Variants in EML6 observed in about 807,000 individuals in gnomAD.
EML6 encodes echinoderm microtubule-associated protein-like 6.
Under a neutral mutation model 240.1 loss-of-function variants are expected in EML6, and 154 were observed. The ratio of observed to expected loss-of-function variants is 0.64; its 90% CI spans 0.56 to 0.73. The LOEUF is 0.73. Ranked by LOEUF, EML6 falls within the 30% of genes least tolerant of loss-of-function variation. The probability of loss-of-function intolerance (pLI) is 0.00; values close to 1 mark genes in which losing one functional copy is unlikely to be tolerated. For synonymous variants in EML6, 1,148 were observed against 899.0 expected, an observed-to-expected ratio of 1.28 and a Z score of -4.95; for missense variants, 2,964 against 2,474.6, an observed-to-expected ratio of 1.20 and a Z score of -4.20.
chr2:54,869,091 G>A (rs375742283), intron 14 of EML6, 90 bp from the exon 15 acceptor site: 11 of 804,130 alleles, frequency 1.4e-5, no homozygotes, highest in African/African-American at 5.2e-5. Context: ...ACATGTTCAC[G>A]TCAATATGTT....
intron 26 of EML6, among the ~76,000 whole-genome samples, chr2:54,919,621 G>A (rs1674116726): frequency 6.6e-6 from 1 of 152,152 alleles, no homozygotes; most frequent in Non-Finnish European, 1.5e-5. Flanking sequence ...CATTTTCCTT[G>A]CTATTTCTGT....
intron 29 of EML6, among the ~76,000 whole-genome samples, 175 bp downstream of exon 29, chr2:54,949,135 G>A (rs368911553): frequency 6.6e-6 from 1 of 152,062 alleles, no homozygotes; most frequent in Non-Finnish European, 1.5e-5. Context: ...AGGGACCAGA[G>A]TCGCAGCCAC....
chr2:54,880,623 T>C (rs1235060651), intron 17 of EML6: 1 of 152,236 alleles, frequency 6.6e-6, no homozygotes, highest in Non-Finnish European at 1.5e-5. Context: ...GATTGAATTC[T>C]TGGCAACAAA....
At chr2:54,927,287 G>C (rs1040537626) in intron 26 of EML6, among the ~76,000 whole-genome samples, 1 of 152,168 alleles carries the variant, frequency 6.6e-6, no homozygotes, top group African/African-American at 2.4e-5. Context: ...GTATTACAAA[G>C]TCACGAACCC....
intron 7 of EML6, 42 bp from the exon 8 acceptor site, chr2:54,843,999 TGTGTGA>T (rs1368250944): frequency 8.5e-7 from 1 of 1,178,220 alleles, no homozygotes; most frequent in South Asian, 1.3e-5. Context: ...TGTGTGTGTG[TGTGTGA>T]ATAGTGTGAA....
chr2:54,762,537 C>T (rs923446077), intron 2 of EML6, among the ~76,000 whole-genome samples: 30 of 152,072 alleles, frequency 2.0e-4, no homozygotes, highest in African/African-American at 7.2e-4. Flanking sequence ...ATTTAGTATC[C>T]GTTGCTAATT....
intron 28 of EML6, among the ~76,000 whole-genome samples, chr2:54,946,643 C>T (rs934097684): frequency 6.6e-6 from 1 of 152,170 alleles, no homozygotes; most frequent in Non-Finnish European, 1.5e-5. Flanking sequence ...TGTGTTTTAA[C>T]TTGCTTTCCT....
chr2:54,771,696 A>C (rs1177581906), intron 2 of EML6, among the ~76,000 whole-genome samples: 1 of 152,260 alleles, frequency 6.6e-6, no homozygotes, highest in African/African-American at 2.4e-5. Context: ...TTGGGGTTGC[A>C]GCTGTTCCTC....
At chr2:54,862,024 G>C (rs1349617087) in intron 12 of EML6, among the ~76,000 whole-genome samples, 2 of 151,934 alleles carry the variant, frequency 1.3e-5, no homozygotes, top group Middle Eastern at 3.2e-3. Context: ...AATGAGTTTT[G>C]GTACTTTTGA....
chr2:54,732,701 C>T (rs528568567), intron 2 of EML6, among the ~76,000 whole-genome samples: 1 of 152,238 alleles, frequency 6.6e-6, no homozygotes, highest in South Asian at 2.1e-4. Flanking sequence ...AAATAGAAAC[C>T]ATAGGCTTTG....
chr2:54,969,640 T>C (rs909930069), intron 41 of EML6, among the ~76,000 whole-genome samples: 2 of 152,212 alleles, frequency 1.3e-5, no homozygotes, highest in African/African-American at 4.8e-5. Flanking sequence ...CTTGTTTTAA[T>C]ATAAAAAAGA....
chr2:54,866,316 C>T (rs939252919), intron 13 of EML6, among the ~76,000 whole-genome samples: 3 of 152,164 alleles, frequency 2.0e-5, no homozygotes, highest in Admixed American at 6.5e-5. Flanking sequence ...TTGATCTTTG[C>T]TCTGTATCTC....
At chr2:54,798,407 T>C (rs529538089) in intron 2 of EML6, among the ~76,000 whole-genome samples, 1 of 152,154 alleles carries the variant, frequency 6.6e-6, no homozygotes, top group South Asian at 2.1e-4. Context: ...ACTCCTGACC[T>C]TGTGATCTGC....
chr2:54,754,164 A>G (rs79695862), intron 2 of EML6, among the ~76,000 whole-genome samples: 3,680 of 150,554 alleles, frequency 0.024, 157 homozygotes, highest in African/African-American at 0.085. Flanking sequence ...TTTTTTAGAG[A>G]CAGAATCTTG....
intron 9 of EML6, among the ~76,000 whole-genome samples, chr2:54,848,083 G>A (rs1166706217): frequency 6.6e-6 from 1 of 152,078 alleles, no homozygotes; most frequent in Non-Finnish European, 1.5e-5. Flanking sequence ...AAGAAAAGAG[G>A]AAGAAAGAAT....
chr2:54,763,580 G>C (rs190618382), intron 2 of EML6, among the ~76,000 whole-genome samples: 99 of 152,258 alleles, frequency 6.5e-4, no homozygotes, highest in African/African-American at 2.2e-3. Flanking sequence ...TGTTTGGCTA[G>C]GTGCATTTGT....
chr2:54,959,348 G>A lies in EML6; in HGVS notation c.4853+87G>A, dbSNP rs375157940. 422 of 1,286,088 alleles carry A rather than the reference G, an allele frequency of 3.3e-4. 2 individuals carry two copies. Among genetic ancestry groups the A allele is most frequent in the South Asian group, 1.7e-3 (110 of 64,692 alleles). The allele number at this position is 1,286,088 out of a possible 1,614,324, so 79.7% of individuals were successfully genotyped here. On this transcript the variant is annotated intron_variant, in intron 34 of 41. Transcript: ENST00000356458. Reference sequence around the variant, plus strand: ...AAAGTGTTCCCAACTTGGAGAAAATGCAGACTGTCATCCTCCTATCTTTTT... The same window carrying A: ...AAAGTGTTCCCAACTTGGAGAAAATACAGACTGTCATCCTCCTATCTTTTT...
intron 2 of EML6, among the ~76,000 whole-genome samples, chr2:54,812,258 C>G (rs1048871775): frequency 3.3e-5 from 5 of 151,826 alleles, no homozygotes; most frequent in Non-Finnish European, 7.4e-5. Flanking sequence ...CTAAGGGCAG[C>G]CAACATGCAA....
chr2:54,915,365 T>C (rs913919401), intron 25 of EML6, among the ~76,000 whole-genome samples: 4 of 152,066 alleles, frequency 2.6e-5, no homozygotes, highest in African/African-American at 4.8e-5. Context: ...AGAGATGGAA[T>C]CTAGAATTTG....
Sources: gnomAD v4.1 joint callset for allele counts (sites outside exome capture counted in the v4.1 genomes callset) on GRCh38, gnomAD v4.1.1 for gene constraint, MANE v1.5 for transcripts, NCBI Gene and HGNC (gene_info 2026-07-23, HGNC 2026-07-21) for gene names.